G3BP2: variants seen among roughly 807,000 people sequenced by gnomAD.
G3BP2 encodes the protein G3BP stress granule assembly factor 2, also known as ras GTPase-activating protein-binding protein 2.
A neutral mutation model predicts 56.7 loss-of-function variants in G3BP2; 11 were observed. That is an observed-to-expected ratio of 0.19 (90% CI 0.12 to 0.32). The LOEUF (loss-of-function observed/expected upper bound fraction) is 0.32, where lower values mean the gene tolerates loss of function less well. G3BP2 is among the 10% of genes least tolerant of loss of function. The probability of loss-of-function intolerance (pLI) is 1.00; values close to 1 mark genes in which losing one functional copy is unlikely to be tolerated. For synonymous variants in G3BP2, 165 were observed against 191.6 expected, an observed-to-expected ratio of 0.86 and a Z score of 1.15; for missense variants, 340 against 610.9, an observed-to-expected ratio of 0.56 and a Z score of 4.67.
At chr4:75,658,738 GAGAA>G (rs1246147249) in intron 3 of G3BP2, 101 bp downstream of exon 3, 41 of 764,598 alleles carry the variant, frequency 5.4e-5, no homozygotes, top group Admixed American at 8.9e-5. Context: ...AAAAAAAAAA[GAGAA>G]AGAAAGAAAG....
intron 3 of G3BP2, among the ~76,000 whole-genome samples, chr4:75,681,628 T>TC (rs1177908280): frequency 6.6e-6 from 1 of 151,926 alleles, no homozygotes; most frequent in Non-Finnish European, 1.5e-5. Flanking sequence ...GGCAGGTGGA[T>TC]CACCTGAGGT....
chr4:75,693,048 C>CA (rs1718934105), intron 3 of G3BP2, among the ~76,000 whole-genome samples: 2 of 151,796 alleles, frequency 1.3e-5, no homozygotes, highest in Non-Finnish European at 2.9e-5. Context: ...AATTTGAGAC[C>CA]GCCTGGCAAA....
Position 75,718,060 on chromosome 4 carries a change from TG to T in G3BP2, c.-25+2816del, listed in dbSNP as rs200624855. 3.2e-3 allele frequency among the ~76,000 whole-genome samples: 491 copies of T among 151,832 alleles called. 4 individuals are homozygous for T. The East Asian group carries it at 0.05, about 15-fold the overall frequency. Reference sequence around the variant, plus strand: ...AGGCTGAGGCAGAATAGCTTGAACCTGGGAGGCAGAGATTGTAGTGAGCCAA... The same window carrying T: ...AGGCTGAGGCAGAATAGCTTGAACCTGGAGGCAGAGATTGTAGTGAGCCAA... On this transcript the variant is annotated intron_variant, in intron 3 of 3. Coordinates refer to the G3BP2 transcript ENST00000499709.
At chr4:75,690,338 G>A (rs1011081820) in intron 3 of G3BP2, among the ~76,000 whole-genome samples, 1 of 152,020 alleles carries the variant, frequency 6.6e-6, no homozygotes, top group Admixed American at 6.6e-5. Context: ...ACTGAGACAG[G>A]AGAATAGCTT....
At chr4:75,662,226 T>C (rs1178731147) in intron 1 of G3BP2, 177 bp from the exon 2 acceptor site, 5 of 386,798 alleles carry the variant, frequency 1.3e-5, no homozygotes, top group African/African-American at 2.1e-5. Context: ...AAATAATTTT[T>C]TTTTTTTTTT....
chr4:75,688,693 A>G (rs1718723771), intron 3 of G3BP2, among the ~76,000 whole-genome samples: 1 of 152,244 alleles, frequency 6.6e-6, no homozygotes, highest in African/African-American at 2.4e-5. Flanking sequence ...TCTGAAGGGC[A>G]AAAACCTTGG....
chr4:75,697,298 AAAAG>A (rs537658144), intron 3 of G3BP2, among the ~76,000 whole-genome samples: 5,855 of 58,880 alleles, frequency 0.099, 1,073 homozygotes, highest in Non-Finnish European at 0.16. Flanking sequence ...AAAAAAAAAA[AAAAG>A]ATCATGAAAT....
At chr4:75,663,703 TA>T (rs1025956535) in intron 1 of G3BP2, among the ~76,000 whole-genome samples, 11 of 151,404 alleles carry the variant, frequency 7.3e-5, no homozygotes, top group Non-Finnish European at 1.3e-4. Flanking sequence ...CTACTAAAAA[TA>T]AAAAAATTAG....
At chr4:75,724,032 C>A (rs1031065287) in intron 1 of G3BP2, 1 of 152,082 alleles carries the variant, frequency 6.6e-6, no homozygotes, top group African/African-American at 2.4e-5. Flanking sequence ...TTCCTCCTGA[C>A]GACACTTGAA....
chr4:75,707,516 A>G (rs927125070), intron 3 of G3BP2, among the ~76,000 whole-genome samples: 7 of 150,080 alleles, frequency 4.7e-5, no homozygotes, highest in African/African-American at 1.7e-4. Context: ...AGGCTGAGGC[A>G]GGAGAATGGC....
At chr4:75,698,471 C>T (rs924066125) in intron 3 of G3BP2, among the ~76,000 whole-genome samples, 9 of 152,136 alleles carry the variant, frequency 5.9e-5, no homozygotes, top group African/African-American at 2.2e-4. Context: ...ACCATCTGAT[C>T]CCACTTTAAA....
intron 3 of G3BP2, among the ~76,000 whole-genome samples, chr4:75,693,307 G>A (rs1031704312): frequency 1.7e-4 from 26 of 152,038 alleles, no homozygotes; most frequent in African/African-American, 5.6e-4. Context: ...AGCTTCTCTC[G>A]AAAAAGACGA....
At chr4:75,648,899 C>G (rs1286373617) in intron 8 of G3BP2, 158 bp from the exon 9 acceptor site, 1 of 533,156 alleles carries the variant, frequency 1.9e-6, no homozygotes, top group Non-Finnish European at 3.4e-6. Context: ...AAATTTTTAT[C>G]AAGATATTCT....
intron 3 of G3BP2, among the ~76,000 whole-genome samples, chr4:75,700,696 G>C (rs373186539): frequency 6.7e-6 from 1 of 150,246 alleles, no homozygotes; most frequent in Non-Finnish European, 1.5e-5. Context: ...TGGGATTACA[G>C]GCATGAGCCA....
rs1731027897 is a variant in G3BP2, at chr4:75,643,677, A to C, written c.*1753T>G. 6.5e-6 allele frequency: 1 copy of C among 152,776 alleles called. No homozygotes were observed. The highest frequency in any genetic ancestry group is 2.1e-4 in the South Asian group (1 of 4,832). The allele number at this position is 152,776 out of a possible 1,614,324, so 9.5% of individuals were successfully genotyped here. ...ATCATTTGCTAGTTTACTAAATAGCAAACAGTTGCATAATTCAGAACCAAT... is the reference window on the plus strand; with the variant it reads ...ATCATTTGCTAGTTTACTAAATAGCCAACAGTTGCATAATTCAGAACCAAT... On this transcript the variant is annotated 3_prime_UTR_variant, in exon 12 of 12. Transcript: ENST00000359707.
intron 1 of G3BP2, among the ~76,000 whole-genome samples, chr4:75,665,738 A>T (rs1234692577): frequency 6.6e-6 from 1 of 152,198 alleles, no homozygotes; most frequent in Non-Finnish European, 1.5e-5. Context: ...AAAGAACAGT[A>T]GACTTACCTG....
chr4:75,654,842 G>C (rs566699194), intron 7 of G3BP2: 1 of 521,466 alleles, frequency 1.9e-6, no homozygotes, highest in South Asian at 2.8e-5. Context: ...AATGCATACA[G>C]ACAAGGATTC....
chr4:75,688,872 G>A (rs1718732587), intron 3 of G3BP2, among the ~76,000 whole-genome samples: 1 of 152,210 alleles, frequency 6.6e-6, no homozygotes, highest in African/African-American at 2.4e-5. Context: ...TACTTCAAAA[G>A]CATGACAATC....
chr4:75,709,810 CAGG>C (rs1157351479), intron 3 of G3BP2, among the ~76,000 whole-genome samples: 28 of 151,718 alleles, frequency 1.8e-4, no homozygotes, highest in Non-Finnish European at 4.1e-4. Flanking sequence ...GCTAGGACTA[CAGG>C]CACACATCAC....
Sources: allele counts gnomAD v4.1 joint callset (sites outside exome capture counted in the v4.1 genomes callset), GRCh38; gene constraint gnomAD v4.1.1; transcripts MANE v1.5; gene names NCBI Gene and HGNC (gene_info 2026-07-23, HGNC 2026-07-21).